The following ICA1 variants were observed in gnomAD, a reference collection of about 807,000 sequenced individuals.
ICA1 encodes 69 kDa islet cell autoantigen.
In ICA1, 40 loss-of-function variants were observed where a neutral mutation model predicts 71.0. That is an observed-to-expected ratio of 0.56 (90% CI 0.44 to 0.73). The LOEUF (loss-of-function observed/expected upper bound fraction) is 0.73. ICA1 is among the 30% of genes least tolerant of loss of function. ICA1 has a pLI of 0.00. For synonymous variants in ICA1, 207 were observed against 209.5 expected (o/e 0.99, Z 0.10); for missense variants, 578 against 576.5 (o/e 1.00, Z -0.03).
intron 6 of ICA1, among the ~76,000 whole-genome samples, chr7:8,207,152 T>A (rs755811008): frequency 7.9e-5 from 12 of 152,196 alleles, no homozygotes; most frequent in Non-Finnish European, 1.6e-4. Context: ...ATGACAATGG[T>A]TGTCTCAGAG....
chr7:8,153,690 C>T (rs534037315), intron 8 of ICA1, among the ~76,000 whole-genome samples: 4 of 152,004 alleles, frequency 2.6e-5, no homozygotes, highest in Non-Finnish European at 5.9e-5. Context: ...AAGTTACTTT[C>T]TCTAGAAAAG....
At chr7:8,262,412 G>C (rs1812866752), upstream of ICA1, 1 of 152,266 alleles carries the variant, frequency 6.6e-6, no homozygotes, top group South Asian at 2.1e-4. Context: ...CAGGGTGACC[G>C]GGGGAAGGTG....
Position 8,232,608 on chromosome 7 carries a change from G to A in ICA1, c.165C>T (p.Asp55=), listed in dbSNP as rs1424306604. The change falls in exon 3 of 14, where the codon GAC becomes GAT. Residue 55 remains aspartate (D), a synonymous_variant. Transcript: ENST00000402384. ...AGCTCACCTCTAGCTTGGCATCCAGGTCCGCGTCAGAGGCAACAACATGTT... is the reference window on the plus strand; with the variant it reads ...AGCTCACCTCTAGCTTGGCATCCAGATCCGCGTCAGAGGCAACAACATGTT... ...EDEHVVASDA[D]LDAKLELFHS... is the part of the protein sequence containing the mutation. 3 of 1,611,792 alleles carry A rather than the reference G, an allele frequency of 1.9e-6. No individual in the cohort carries two copies. The highest frequency in any genetic ancestry group is 2.5e-6 in the Non-Finnish European group (3 of 1,179,028).
chr7:8,237,316 G>C (rs1298803666), intron 1 of ICA1, among the ~76,000 whole-genome samples: 1 of 152,126 alleles, frequency 6.6e-6, no homozygotes, highest in Admixed American at 6.6e-5. Flanking sequence ...ATTTACTTTA[G>C]TTAGCTTGAA....
intron 6 of ICA1, among the ~76,000 whole-genome samples, chr7:8,213,837 T>A (rs1310141174): frequency 6.6e-6 from 1 of 152,016 alleles, no homozygotes; most frequent in Non-Finnish European, 1.5e-5. Context: ...TTAATAAACC[T>A]TCTCACCACA....
intron 6 of ICA1, among the ~76,000 whole-genome samples, chr7:8,210,645 A>AG (rs1563018813): frequency 6.6e-4 from 3 of 4,542 alleles, no homozygotes; most frequent in East Asian, 0.023. Flanking sequence ...TAGACCACAG[A>AG]GGGGAAAAAA....
At chr7:8,164,921 T>C (rs1805334221) in intron 6 of ICA1, among the ~76,000 whole-genome samples, 2 of 152,024 alleles carry the variant, frequency 1.3e-5, no homozygotes, top group Admixed American at 6.6e-5. Flanking sequence ...CTACAAAAGA[T>C]ACAAAAATTT....
chr7:8,208,526 T>C (rs777105943), intron 6 of ICA1, among the ~76,000 whole-genome samples: 18 of 152,194 alleles, frequency 1.2e-4, no homozygotes, highest in Non-Finnish European at 1.9e-4. Flanking sequence ...ATCTAGAAGA[T>C]GGTAAAAATT....
intron 6 of ICA1, among the ~76,000 whole-genome samples, chr7:8,159,572 C>T (rs79652438): frequency 0.034 from 5,110 of 152,014 alleles, 139 homozygotes; most frequent in South Asian, 0.13. Context: ...TGGGGTTGCA[C>T]GCCTATAGTC....
At chr7:8,261,298 T>A (rs1045507377) in intron 1 of ICA1, among the ~76,000 whole-genome samples, 1 of 151,876 alleles carries the variant, frequency 6.6e-6, no homozygotes, top group African/African-American at 2.4e-5. Flanking sequence ...GTACTACAAG[T>A]AAAAAGACAG....
intron 6 of ICA1, among the ~76,000 whole-genome samples, chr7:8,214,936 G>A (rs1445067984): frequency 2.6e-5 from 4 of 152,146 alleles, no homozygotes; most frequent in Non-Finnish European, 4.4e-5. Flanking sequence ...CAATTAAAGT[G>A]GTGCTACCAC....
chr7:8,220,640 TC>T (rs1303542803), intron 5 of ICA1, among the ~76,000 whole-genome samples: 1 of 149,710 alleles, frequency 6.7e-6, no homozygotes, highest in African/African-American at 2.5e-5. Flanking sequence ...TAAAAATGAG[TC>T]ACGGTTGTGT....
At chr7:8,197,589 T>TAA (rs1371152973) in intron 6 of ICA1, among the ~76,000 whole-genome samples, 1 of 139,154 alleles carries the variant, frequency 7.2e-6, no homozygotes, top group African/African-American at 2.7e-5. Context: ...ATAATAATAA[T>TAA]AATAATAATA....
intron 4 of ICA1, among the ~76,000 whole-genome samples, chr7:8,224,970 G>A (rs1485728312): frequency 6.6e-6 from 1 of 152,206 alleles, no homozygotes; most frequent in Non-Finnish European, 1.5e-5. Flanking sequence ...TGACATCAGT[G>A]TTCCTCATCA....
upstream of ICA1, chr7:8,262,459 G>A (rs1812879329): frequency 6.6e-6 from 1 of 152,262 alleles, no homozygotes; most frequent in Non-Finnish European, 1.5e-5. Flanking sequence ...GGAGGGTCGG[G>A]GACTCGGGGA....
Position 8,242,684 on chromosome 7 carries a change from GAA to G in ICA1, c.-79-6681_-79-6680del, listed in dbSNP as rs1490611770. On this transcript the variant is annotated intron_variant, in intron 1 of 13. Transcript: ENST00000402384. The stretch of plus-strand genomic sequence containing the variant: ...GATCACTAGCAAGACTAATAAAGAA[GAA>G]AAGAGAGAAGAATCAAACAGATGCA... 3.3e-5 allele frequency among the ~76,000 whole-genome samples: 5 copies of G among 152,144 alleles called. No individual in the cohort carries two copies. In the East Asian group the frequency reaches 5.8e-4, roughly 18 times the overall value.
chr7:8,201,211 A>G (rs559823664), intron 6 of ICA1, among the ~76,000 whole-genome samples: 11 of 152,350 alleles, frequency 7.2e-5, no homozygotes, highest in African/African-American at 2.6e-4. Context: ...ACAAAAAGAA[A>G]GTTGTACTCT....
At chr7:8,129,585 TTC>T (rs1300652645) in intron 12 of ICA1, among the ~76,000 whole-genome samples, 1 of 152,212 alleles carries the variant, frequency 6.6e-6, no homozygotes, top group African/African-American at 2.4e-5. Context: ...AATGTAAGCA[TTC>T]TTATTGTTTG....
chr7:8,208,082 T>C (rs984198511), intron 6 of ICA1, among the ~76,000 whole-genome samples: 1 of 152,216 alleles, frequency 6.6e-6, no homozygotes, highest in African/African-American at 2.4e-5. Flanking sequence ...TATTCCTTGA[T>C]GACAAACTAA....
Sources: allele counts gnomAD v4.1 joint callset (sites outside exome capture counted in the v4.1 genomes callset), GRCh38; gene constraint gnomAD v4.1.1; transcripts MANE v1.5; gene names NCBI Gene and HGNC (gene_info 2026-07-23, HGNC 2026-07-21).